The following ENAH variants were observed in gnomAD, a reference collection of about 807,000 sequenced individuals.
The protein encoded by ENAH is protein enabled homolog.
A neutral mutation model predicts 78.7 loss-of-function variants in ENAH; 23 were observed. The observed-to-expected ratio is 0.29, with a 90% CI of 0.21 to 0.41. ENAH has a LOEUF of 0.41. Among genes scored for constraint, ENAH ranks in the 10% least tolerant of loss-of-function variants. The pLI is 1.00. For missense variants in ENAH, 544 were observed against 691.0 expected, an observed-to-expected ratio of 0.79 and a Z score of 2.39; for synonymous variants, 226 against 241.0, an observed-to-expected ratio of 0.94 and a Z score of 0.58.
intron 1 of ENAH, among the ~76,000 whole-genome samples, chr1:225,628,096 C>T (rs765088158): frequency 3.3e-5 from 5 of 152,142 alleles, no homozygotes; most frequent in Non-Finnish European, 7.3e-5. Flanking sequence ...ATCTCAACCA[C>T]GATTATAATT....
intron 1 of ENAH, among the ~76,000 whole-genome samples, chr1:225,610,098 T>C (rs1057317771): frequency 3.9e-5 from 6 of 151,960 alleles, no homozygotes; most frequent in Admixed American, 1.3e-4. Flanking sequence ...TAATATTTAA[T>C]TACAGAGGAA....
intron 1 of ENAH, chr1:225,652,189 AC>A (rs1283476412): frequency 1.8e-5 from 5 of 283,896 alleles, no homozygotes; most frequent in Non-Finnish European, 1.6e-5. Context: ...TCCTTCACCT[AC>A]CCCTACCAGA....
intron 1 of ENAH, among the ~76,000 whole-genome samples, chr1:225,607,413 TTAG>T (rs1364062597): frequency 2.0e-5 from 3 of 151,664 alleles, no homozygotes; most frequent in East Asian, 3.9e-4. Flanking sequence ...GGTAACTGAC[TTAG>T]TAGGCTGAAG....
chr1:225,542,473 C>T (rs1380306118), intron 3 of ENAH, among the ~76,000 whole-genome samples: 1 of 152,180 alleles, frequency 6.6e-6, no homozygotes, highest in African/African-American at 2.4e-5. Flanking sequence ...AGACAGCTGT[C>T]TCCCTTTTCC....
intron 1 of ENAH, among the ~76,000 whole-genome samples, chr1:225,611,907 C>T (rs2096991801): frequency 6.6e-6 from 1 of 152,042 alleles, no homozygotes; most frequent in Non-Finnish European, 1.5e-5. Context: ...TCATAAAAAA[C>T]AAAACACAAA....
Position 225,599,796 on chromosome 1 carries a change from T to TAA in ENAH, c.6-32384_6-32383dup, listed in dbSNP as rs34052384. ...GGGCGACAGGGCCGAGACTCCGTCTTAAAAAAAAAAAAAAAAAAAAAAAAA... is the reference window on the plus strand; with the variant it reads ...GGGCGACAGGGCCGAGACTCCGTCTTAAAAAAAAAAAAAAAAAAAAAAAAAAA... On this transcript the variant is annotated intron_variant, in intron 1 of 13. Transcript: ENST00000366843. 1.9e-3 allele frequency among the ~76,000 whole-genome samples: 155 copies of TAA among 82,952 alleles called. 2 individuals are homozygous for TAA. The highest frequency in any genetic ancestry group is 3.7e-3 in the African/African-American group (70 of 18,946). 54.4% of individuals were successfully genotyped at this position (82,952 alleles called of 152,430 possible).
In ENAH at chr1:225,514,459, G is replaced by A. The variant is rs536205872; in HGVS notation, c.1218+137C>T. The A allele has an allele frequency of 5.4e-5, 44 of 815,922 alleles. No homozygotes were observed. In the Admixed American group the frequency reaches 6.5e-4, roughly 12 times the overall value. The allele number at this position is 815,922 out of a possible 1,614,324, so 50.5% of individuals were successfully genotyped here. The stretch of plus-strand genomic sequence containing the variant: ...GGATTATACAGGTATGAGCCATTGC[G>A]CCAGGGTAAATTATTTCAATTTTTT... On this transcript the variant is annotated intron_variant, in intron 7 of 13. Transcript: ENST00000366843.
At chr1:225,535,516 T>TA in intron 3 of ENAH, 4 of 1,302,882 alleles carry the variant, frequency 3.1e-6, no homozygotes, top group Non-Finnish European at 4.0e-6. Flanking sequence ...CCACAGAAAA[T>TA]ACATCGCAAA....
intron 1 of ENAH, among the ~76,000 whole-genome samples, chr1:225,597,643 GC>G (rs2096908384): frequency 7.7e-6 from 1 of 129,500 alleles, no homozygotes; most frequent in African/African-American, 3.1e-5. Flanking sequence ...GGGCGACAGT[GC>G]AAGAGCATCT....
At chr1:225,595,204 G>A (rs924056802) in intron 1 of ENAH, among the ~76,000 whole-genome samples, 4 of 152,030 alleles carry the variant, frequency 2.6e-5, no homozygotes, top group Admixed American at 1.3e-4. Flanking sequence ...ATGGTGGCAC[G>A]CACCTGTGAT....
At chr1:225,547,303 C>T (rs1030060320) in intron 3 of ENAH, among the ~76,000 whole-genome samples, 20 of 152,082 alleles carry the variant, frequency 1.3e-4, no homozygotes, top group African/African-American at 4.8e-4. Flanking sequence ...AACTCCTGAC[C>T]TCGTGATCCA....
intron 7 of ENAH, among the ~76,000 whole-genome samples, chr1:225,513,747 T>C (rs537205684): frequency 6.6e-6 from 1 of 152,200 alleles, no homozygotes; most frequent in African/African-American, 2.4e-5. Context: ...ATCCCGGCAC[T>C]GTGGGAGGCT....
intron 10 of ENAH, among the ~76,000 whole-genome samples, chr1:225,510,966 A>G (rs2096372453): frequency 6.6e-6 from 1 of 152,034 alleles, no homozygotes; most frequent in Non-Finnish European, 1.5e-5. Flanking sequence ...GGTTGCGGTG[A>G]GCCAAGACTG....
At chr1:225,636,890 T>C (rs1660156619) in intron 1 of ENAH, among the ~76,000 whole-genome samples, 1 of 151,400 alleles carries the variant, frequency 6.6e-6, no homozygotes, top group Non-Finnish European at 1.5e-5. Context: ...ACAAAAACTA[T>C]GAAAAGAGAG....
chr1:225,574,927 T>A (rs1166769244), intron 1 of ENAH, among the ~76,000 whole-genome samples: 9 of 78,640 alleles, frequency 1.1e-4, no homozygotes, highest in South Asian at 4.8e-4. Flanking sequence ...AAAATATATA[T>A]ATATAAAAAA....
chr1:225,614,829 A>G (rs1375757814), intron 1 of ENAH, among the ~76,000 whole-genome samples: 1 of 152,200 alleles, frequency 6.6e-6, no homozygotes, highest in Admixed American at 6.5e-5. Flanking sequence ...ATATTACAAT[A>G]CCACATTTAC....
chr1:225,574,434 C>G (rs2096777715), intron 1 of ENAH, among the ~76,000 whole-genome samples: 1 of 152,124 alleles, frequency 6.6e-6, no homozygotes, highest in East Asian at 1.9e-4. Flanking sequence ...AATCCCATCT[C>G]TACTAAAAAT....
At position 225,497,754 on chromosome 1, in the gene ENAH, A is replaced by C. The variant is rs1187127078; in HGVS notation, c.*21T>G. On this transcript the variant is annotated 3_prime_UTR_variant, in exon 14 of 14. Coordinates refer to ENST00000366843, the MANE Select transcript of ENAH (RefSeq NM_018212.6). ...TATTTTTCCTCCAGATTAAAGTCCT[A>C]TCTCTCCTTAGTCTGTTCCTCTATG... is the stretch of plus-strand genomic sequence containing the variant. The C allele has an allele frequency of 6.2e-7, 1 of 1,608,482 alleles. No individual in the cohort carries two copies. Among genetic ancestry groups the C allele is most frequent in the Non-Finnish European group, 8.5e-7 (1 of 1,176,742 alleles).
intron 1 of ENAH, among the ~76,000 whole-genome samples, chr1:225,571,951 C>T (rs781283269): frequency 4.6e-5 from 7 of 152,080 alleles, no homozygotes; most frequent in Non-Finnish European, 5.9e-5. Flanking sequence ...AATAGTGAAG[C>T]GCTTTCCTGA....
Sources: allele counts gnomAD v4.1 joint callset (sites outside exome capture counted in the v4.1 genomes callset), GRCh38; gene constraint gnomAD v4.1.1; transcripts MANE v1.5; gene names NCBI Gene and HGNC (gene_info 2026-07-23, HGNC 2026-07-21).